Variants in SORCS1 observed in about 807,000 individuals in gnomAD.
The protein encoded by SORCS1 is sortilin related VPS10 domain containing receptor 1.
In SORCS1, 60 loss-of-function variants were observed where a neutral mutation model predicts 146.1. The observed-to-expected ratio is 0.41, with a 90% CI of 0.33 to 0.51. The LOEUF (loss-of-function observed/expected upper bound fraction) is 0.51. Ranked by LOEUF, SORCS1 falls within the 20% of genes least tolerant of loss-of-function variation. The pLI is 0.21. For missense variants in SORCS1, 1,352 were observed against 1,487.6 expected (o/e 0.91, Z 1.50); for synonymous variants, 637 against 584.0 (o/e 1.09, Z -1.31).
chr10:106,902,663 T>G (rs1192252265), intron 2 of SORCS1, among the ~76,000 whole-genome samples: 1 of 152,282 alleles, frequency 6.6e-6, no homozygotes, highest in African/African-American at 2.4e-5. Context: ...TATTTACATG[T>G]ATAAAATATG....
chr10:107,052,206 G>C (rs1187199494), intron 1 of SORCS1, among the ~76,000 whole-genome samples: 1 of 152,092 alleles, frequency 6.6e-6, no homozygotes, highest in African/African-American at 2.4e-5. Flanking sequence ...AGGCCTGCTG[G>C]CTACTTACGA....
At chr10:106,808,177 C>T (rs1215409656) in intron 3 of SORCS1, among the ~76,000 whole-genome samples, 1 of 152,080 alleles carries the variant, frequency 6.6e-6, no homozygotes, top group African/African-American at 2.4e-5. Context: ...CAGCACCACG[C>T]CCAGCTAATT....
At chr10:107,043,099 C>T (rs1959183339) in intron 1 of SORCS1, among the ~76,000 whole-genome samples, 1 of 151,946 alleles carries the variant, frequency 6.6e-6, no homozygotes, top group Non-Finnish European at 1.5e-5. Context: ...AAAATTTTGT[C>T]AGAAGGAAAA....
At chr10:106,815,311 G>A (rs1947683800) in intron 3 of SORCS1, among the ~76,000 whole-genome samples, 1 of 152,084 alleles carries the variant, frequency 6.6e-6, no homozygotes, top group South Asian at 2.1e-4. Flanking sequence ...ATAAAGGGAG[G>A]GAGAGAGGGA....
chr10:106,775,886 A>G (rs1860394822), intron 4 of SORCS1, among the ~76,000 whole-genome samples: 1 of 152,228 alleles, frequency 6.6e-6, no homozygotes, highest in Non-Finnish European at 1.5e-5. Context: ...TATAGTATAT[A>G]TGTCGTATAG....
At chr10:107,136,824 A>G (rs1967342424) in intron 1 of SORCS1, among the ~76,000 whole-genome samples, 1 of 152,114 alleles carries the variant, frequency 6.6e-6, no homozygotes, top group Non-Finnish European at 1.5e-5. Context: ...TTCGGTCTAC[A>G]CTGACAGCCT....
chr10:106,672,892 G>C lies in SORCS1; in HGVS notation c.2034C>G (p.Tyr678Ter), dbSNP rs558359043. The change falls in exon 15 of 26, where the codon TAC becomes TAG. Residue 678 changes from tyrosine (Y) to a stop codon, truncating the protein, a stop_gained. Coordinates refer to ENST00000263054, the MANE Select transcript of SORCS1 (RefSeq NM_052918.5). LOFTEE classifies it high-confidence loss of function. The part of the protein sequence containing the change: ...IFDRRCAEED[Y>*]RPWQLHSQGE... ...CCTGGCTGTGCAGCTGCCAAGGTCTGTAGTCCTCTTCGGCACACCGTCTAT... is the reference window on the plus strand; with the variant it reads ...CCTGGCTGTGCAGCTGCCAAGGTCTCTAGTCCTCTTCGGCACACCGTCTAT... 1 of 1,614,052 alleles carries C rather than the reference G, an allele frequency of 6.2e-7. No homozygotes were observed. Among genetic ancestry groups the C allele is most frequent in the African/African-American group, 1.3e-5 (1 of 75,050 alleles).
intron 9 of SORCS1, among the ~76,000 whole-genome samples, chr10:106,698,045 A>G (rs1853840476): frequency 6.6e-6 from 1 of 152,212 alleles, no homozygotes; most frequent in Non-Finnish European, 1.5e-5. Flanking sequence ...CACATAAACT[A>G]GACCCTATGC....
At chr10:107,131,632 T>C (rs971226909) in intron 1 of SORCS1, among the ~76,000 whole-genome samples, 4 of 152,048 alleles carry the variant, frequency 2.6e-5, no homozygotes, top group Non-Finnish European at 4.4e-5. Context: ...GGCACAAGAA[T>C]CTCTTGAACC....
At chr10:106,913,493 T>A (rs2138278460) in intron 2 of SORCS1, among the ~76,000 whole-genome samples, 1 of 152,322 alleles carries the variant, frequency 6.6e-6, no homozygotes, top group East Asian at 1.9e-4. Context: ...CTTTCTCAGT[T>A]ATGCTGGCTA....
At chr10:106,731,496 T>G (rs1334415270) in intron 5 of SORCS1, among the ~76,000 whole-genome samples, 3 of 152,048 alleles carry the variant, frequency 2.0e-5, no homozygotes, top group African/African-American at 7.2e-5. Flanking sequence ...CAGGTTGAGA[T>G]GCTCTTCTCC....
At chr10:106,604,943 A>G (rs563312520) in intron 23 of SORCS1, among the ~76,000 whole-genome samples, 2 of 152,360 alleles carry the variant, frequency 1.3e-5, no homozygotes, top group East Asian at 3.9e-4. Flanking sequence ...ACTTTGGCTC[A>G]ATTATTCAAC....
intron 2 of SORCS1, among the ~76,000 whole-genome samples, chr10:106,857,908 A>T (rs12415938): frequency 0.035 from 5,303 of 152,288 alleles, 143 homozygotes; most frequent in South Asian, 0.11. Context: ...GCTGAAGGAA[A>T]TTGTCTCCTG....
At chr10:106,798,313 A>T (rs552482153) in intron 3 of SORCS1, among the ~76,000 whole-genome samples, 18 of 152,218 alleles carry the variant, frequency 1.2e-4, no homozygotes, top group African/African-American at 4.3e-4. Flanking sequence ...TTATACTTTA[A>T]GTTCTATGGT....
chr10:106,641,378 A>T (rs1849060450), intron 18 of SORCS1, among the ~76,000 whole-genome samples: 1 of 152,152 alleles, frequency 6.6e-6, no homozygotes, highest in South Asian at 2.1e-4. Flanking sequence ...GCAAACTAGT[A>T]TCAGTGTACC....
At chr10:107,074,834 T>C (rs1962746423) in intron 1 of SORCS1, among the ~76,000 whole-genome samples, 1 of 152,204 alleles carries the variant, frequency 6.6e-6, no homozygotes, top group Admixed American at 6.5e-5. Context: ...TTACTCGTCA[T>C]CTGTATAACT....
At chr10:107,023,561 C>T (rs976051754) in intron 1 of SORCS1, among the ~76,000 whole-genome samples, 1 of 151,968 alleles carries the variant, frequency 6.6e-6, no homozygotes, top group Non-Finnish European at 1.5e-5. Flanking sequence ...AAAAATAACA[C>T]AAATTCAAAC....
At chr10:106,737,447 AG>A (rs66915692) in intron 5 of SORCS1, among the ~76,000 whole-genome samples, 118,165 of 151,640 alleles carry the variant, frequency 0.78, 46,986 homozygotes, top group Non-Finnish European at 0.87. Flanking sequence ...TTTTTTAAAG[AG>A]GGGGGTGGTG....
At chr10:106,820,506 T>C (rs1439060720) in intron 3 of SORCS1, among the ~76,000 whole-genome samples, 6 of 152,144 alleles carry the variant, frequency 3.9e-5, no homozygotes, top group Admixed American at 3.9e-4. Flanking sequence ...AAAGAAATGT[T>C]TGAATGGAAA....
Sources: gnomAD v4.1 joint callset for allele counts (sites outside exome capture counted in the v4.1 genomes callset) on GRCh38, gnomAD v4.1.1 for gene constraint, MANE v1.5 for transcripts, NCBI Gene and HGNC (gene_info 2026-07-23, HGNC 2026-07-21) for gene names.